The following CNTN5 variants were observed in gnomAD, a reference collection of about 807,000 sequenced individuals.
CNTN5 encodes contactin-5.
A neutral mutation model predicts 129.1 loss-of-function variants in CNTN5; 77 were observed. The ratio of observed to expected loss-of-function variants is 0.60; its 90% CI spans 0.50 to 0.72. The LOEUF (loss-of-function observed/expected upper bound fraction) is 0.72, where lower values mean the gene tolerates loss of function less well. Ranked by LOEUF, CNTN5 falls within the 30% of genes least tolerant of loss-of-function variation. The pLI is 0.00. For synonymous variants in CNTN5, 509 were observed against 465.6 expected (o/e 1.09, Z -1.20); for missense variants, 1,478 against 1,328.8 (o/e 1.11, Z -1.75).
At chr11:100,261,968 A>C (rs556105498) in intron 17 of CNTN5, among the ~76,000 whole-genome samples, 1 of 152,244 alleles carries the variant, frequency 6.6e-6, no homozygotes. Context: ...TAAACTAAAG[A>C]TCTTCTGCAC....
chr11:99,426,832 T>G (rs1207019975), intron 2 of CNTN5, among the ~76,000 whole-genome samples: 1 of 152,156 alleles, frequency 6.6e-6, no homozygotes, highest in Non-Finnish European at 1.5e-5. Context: ...ACTGTAAGTG[T>G]TTATGATTTA....
intron 2 of CNTN5, among the ~76,000 whole-genome samples, chr11:99,511,067 C>G (rs534665173): frequency 1.3e-4 from 19 of 150,208 alleles, no homozygotes; most frequent in South Asian, 4.3e-4. Context: ...ATTTAAAAAG[C>G]GTAAACATTA....
intron 3 of CNTN5, among the ~76,000 whole-genome samples, chr11:99,817,546 T>G (rs1204898088): frequency 6.7e-6 from 1 of 149,124 alleles, no homozygotes; most frequent in African/African-American, 2.4e-5. Flanking sequence ...TTAAGAACTA[T>G]AAACCACATT....
chr11:99,661,765 T>C lies in CNTN5; in HGVS notation c.55+105496T>C, dbSNP rs151123359. On this transcript the variant is annotated intron_variant, in intron 3 of 24. Coordinates refer to ENST00000524871, the MANE Select transcript of CNTN5 (RefSeq NM_014361.4). ...AAGATTATTAAAATAACCCCAGTTA[T>C]TAAGTGATTAGTTGAGATTGGAACA... 2.2e-3 allele frequency among the ~76,000 whole-genome samples: 337 copies of C among 152,256 alleles called. 1 individual carries two copies. Among genetic ancestry groups the C allele is most frequent in the African/African-American group, 7.4e-3 (308 of 41,570 alleles).
At chr11:100,007,350 G>C (rs1374319933) in intron 9 of CNTN5, among the ~76,000 whole-genome samples, 2 of 152,008 alleles carry the variant, frequency 1.3e-5, no homozygotes, top group Non-Finnish European at 2.9e-5. Context: ...CTTGTTTTTA[G>C]CTATGAAAGT....
intron 9 of CNTN5, among the ~76,000 whole-genome samples, chr11:100,043,149 C>A (rs977181325): frequency 5.3e-5 from 8 of 152,266 alleles, no homozygotes; most frequent in East Asian, 3.9e-4. Context: ...TTTTTTAAAT[C>A]TTAAACACTT....
intron 21 of CNTN5, among the ~76,000 whole-genome samples, chr11:100,316,173 G>C (rs369621750): frequency 6.6e-6 from 1 of 152,188 alleles, no homozygotes; most frequent in Non-Finnish European, 1.5e-5. Flanking sequence ...CAAGAAGGGA[G>C]GGTAAAGGAT....
chr11:99,376,124 T>C (rs1257841436), intron 2 of CNTN5, among the ~76,000 whole-genome samples: 1 of 152,166 alleles, frequency 6.6e-6, no homozygotes, highest in Admixed American at 6.5e-5. Context: ...ACAAATATTA[T>C]TGTACGATTA....
chr11:100,256,508 G>A (rs1159824985), intron 17 of CNTN5, among the ~76,000 whole-genome samples: 2 of 152,006 alleles, frequency 1.3e-5, no homozygotes, highest in East Asian at 1.9e-4. Flanking sequence ...TATTCAGCTG[G>A]CAAGATGGCT....
chr11:100,032,804 A>G (rs1235900060), intron 9 of CNTN5, among the ~76,000 whole-genome samples: 1 of 152,148 alleles, frequency 6.6e-6, no homozygotes, highest in Non-Finnish European at 1.5e-5. Context: ...AAATAGGTAT[A>G]ATCAGTATAA....
intron 4 of CNTN5, among the ~76,000 whole-genome samples, chr11:99,840,521 A>G (rs1947452543): frequency 6.9e-6 from 1 of 144,964 alleles, no homozygotes; most frequent in Non-Finnish European, 1.5e-5. Flanking sequence ...CTTTTCTAAG[A>G]AAAAAAAAAG....
chr11:99,399,741 GT>G (rs1941701810), intron 2 of CNTN5, among the ~76,000 whole-genome samples: 1 of 151,538 alleles, frequency 6.6e-6, no homozygotes, highest in Non-Finnish European at 1.5e-5. Flanking sequence ...TTACACTTTG[GT>G]TTTTTTAGTT....
At chr11:100,073,465 A>G (rs1200843386) in intron 12 of CNTN5, among the ~76,000 whole-genome samples, 1 of 151,562 alleles carries the variant, frequency 6.6e-6, no homozygotes. Context: ...TATGAAATAC[A>G]TATAATATCA....
At chr11:99,949,610 A>G (rs768347303) in intron 7 of CNTN5, among the ~76,000 whole-genome samples, 10 of 152,196 alleles carry the variant, frequency 6.6e-5, no homozygotes, top group Non-Finnish European at 1.0e-4. Flanking sequence ...AGAGCTTACA[A>G]TTCAATACAA....
Position 99,474,843 on chromosome 11 carries a change from C to T in CNTN5, c.-70-81302C>T, listed in dbSNP as rs11824378. The stretch of plus-strand genomic sequence containing the variant: ...CCCTGCCATGGCTAGCTAATGTTTC[C>T]GGAATAAAACAATATTTGTTTGATA... On this transcript the variant is annotated intron_variant, in intron 2 of 24. Transcript: ENST00000524871. 1.7e-3 allele frequency among the ~76,000 whole-genome samples: 257 copies of T among 152,184 alleles called. 1 individual carries two copies. The highest frequency in any genetic ancestry group is 5.5e-3 in the African/African-American group (230 of 41,544).
chr11:99,184,962 A>G (rs940255181), intron 1 of CNTN5, among the ~76,000 whole-genome samples: 7 of 144,298 alleles, frequency 4.9e-5, no homozygotes, highest in Non-Finnish European at 7.8e-5. Context: ...AAATAAATCA[A>G]TTCCAGATGA....
intron 10 of CNTN5, among the ~76,000 whole-genome samples, chr11:100,069,395 T>A (rs1194081687): frequency 6.6e-6 from 1 of 151,956 alleles, no homozygotes; most frequent in Non-Finnish European, 1.5e-5. Flanking sequence ...GCTAAAGTAA[T>A]CCCTCTGCCT....
At chr11:99,577,623 A>C (rs1949399677) in intron 3 of CNTN5, among the ~76,000 whole-genome samples, 1 of 152,166 alleles carries the variant, frequency 6.6e-6, no homozygotes, top group African/African-American at 2.4e-5. Context: ...CCGATCATTA[A>C]AAATTTATTT....
chr11:100,315,579 G>A (rs1214942581), intron 21 of CNTN5, among the ~76,000 whole-genome samples: 1 of 152,034 alleles, frequency 6.6e-6, no homozygotes, highest in East Asian at 1.9e-4. Context: ...GTAACAATTA[G>A]GCTACATGAG....
Sources: gnomAD v4.1 joint callset for allele counts (sites outside exome capture counted in the v4.1 genomes callset) on GRCh38, gnomAD v4.1.1 for gene constraint, MANE v1.5 for transcripts, NCBI Gene and HGNC (gene_info 2026-07-23, HGNC 2026-07-21) for gene names.